The following CDH24 variants were observed in gnomAD, a reference collection of about 807,000 sequenced individuals.
CDH24 encodes the protein cadherin 24, also known as cadherin-24.
Under a neutral mutation model 71.2 loss-of-function variants are expected in CDH24, and 61 were observed. The observed-to-expected ratio is 0.86, with a 90% CI of 0.70 to 1.06. The LOEUF (loss-of-function observed/expected upper bound fraction) is 1.06. Ranked by LOEUF, CDH24 falls within the 50% of genes least tolerant of loss-of-function variation. The pLI, the probability that CDH24 is intolerant of heterozygous loss-of-function variation, is 0.00. For synonymous variants in CDH24, 440 were observed against 470.2 expected (o/e 0.94, Z 0.83); for missense variants, 961 against 1,083.7 (o/e 0.89, Z 1.59).
rs2047126270 is a variant in CDH24, at chr14:23,055,896, T to TA, written c.-124-40dup. On this transcript the variant is annotated intron_variant, in intron 1 of 12. Transcript: ENST00000487137. This position sits in a 1 kb window ranked among gnomAD's most constrained non-coding sequence, Gnocchi z 4.1. ...AGCTGCTCAGGCTCAAGGAAACCCC[T>TA]AGCCCTCCTCCCCCGCAAAATTAGA... 1.6e-6 allele frequency: 1 copy of TA among 613,154 alleles called. No individual in the cohort carries two copies. The highest frequency in any genetic ancestry group is 2.8e-6 in the Non-Finnish European group (1 of 355,192). The allele number at this position is 613,154 out of a possible 1,614,324, so 38.0% of individuals were successfully genotyped here. A position where few individuals can be genotyped will look rare whatever the true frequency, so the allele number is the denominator to read the frequency against.
chr14:23,050,947 G>T (rs567845196), intron 8 of CDH24, among the ~76,000 whole-genome samples: 4 of 152,076 alleles, frequency 2.6e-5, no homozygotes, highest in Non-Finnish European at 4.4e-5. Context: ...TCTTCCCTGC[G>T]GTAAGGGCCC....
At chr14:23,053,188 T>C (rs963781369) in intron 7 of CDH24, among the ~76,000 whole-genome samples, 1 of 152,214 alleles carries the variant, frequency 6.6e-6, no homozygotes, top group Non-Finnish European at 1.5e-5. Flanking sequence ...GGGGGTAAAC[T>C]GTGAAGCACT....
At position 23,054,129 on chromosome 14, in the gene CDH24, C is replaced by T. The variant is rs767954149; in HGVS notation, c.972+12G>A. 12 of 1,576,240 alleles carry T rather than the reference C, an allele frequency of 7.6e-6. No individual in the cohort carries two copies. Among genetic ancestry groups the T allele is most frequent in the Non-Finnish European group, 9.5e-6 (11 of 1,157,442 alleles). ...AGGTCTAAGAGAAAGCATTAACAGG[C>T]AGGAGGCTAACCTTGCGGACAGTGA... On this transcript the variant is annotated intron_variant, in intron 6 of 12. Transcript: ENST00000487137. This position sits in a 1 kb window ranked among gnomAD's most constrained non-coding sequence, Gnocchi z 5.2.
chr14:23,055,238 C>G lies in CDH24; in HGVS notation c.317G>C (p.Ser106Thr). Residue 106 changes from serine (S) to threonine (T), a missense_variant, in exon 3 of 13, where the codon AGC becomes ACC. Ser to Thr is a moderately conservative substitution (Grantham distance 58). Transcript: ENST00000487137. This position sits in a 1 kb window ranked among gnomAD's most constrained non-coding sequence, Gnocchi z 4.1. ...TTGCGCCTTTTCCTCCCGGTCAAGGCTCTTGGTAACATGAATATTGCCTGT... is the reference window on the plus strand; with the variant it reads ...TTGCGCCTTTTCCTCCCGGTCAAGGGTCTTGGTAACATGAATATTGCCTGT... ...EATGNIHVTK[S>T]LDREEKAQYV... is the part of the protein sequence containing the mutation. 1 of 1,614,176 alleles carries G rather than the reference C, an allele frequency of 6.2e-7. No homozygotes were observed. Among genetic ancestry groups the G allele is most frequent in the African/African-American group, 1.3e-5 (1 of 75,022 alleles).
Position 23,052,584 on chromosome 14 carries a change from G to A in CDH24, c.1252C>T (p.Pro418Ser). 6.2e-7 allele frequency: 1 copy of A among 1,613,874 alleles called. No individual in the cohort carries two copies. Among genetic ancestry groups the A allele is most frequent in the Non-Finnish European group, 8.5e-7 (1 of 1,179,852 alleles). The change falls in exon 8 of 13, where the codon CCG (proline) becomes TCG (serine). Residue 418 changes from proline to serine, a missense_variant. Coordinates refer to ENST00000487137, the MANE Select transcript of CDH24 (RefSeq NM_144985.4). Reference protein sequence around the residue: ...IRYSILPHSDPERCFSIQPEE... With the variant: ...IRYSILPHSDSERCFSIQPEE... ...GGCTGGATAGAGAAGCAACGCTCCG[G>A]ATCTGAGTGGGGGAGGATGGAGTAT...
intron 8 of CDH24, chr14:23,052,093 A>G (rs1338831135): frequency 2.7e-6 from 4 of 1,466,938 alleles, no homozygotes; most frequent in Non-Finnish European, 3.7e-6. Flanking sequence ...CCTGAAGCAG[A>G]GAGTGGGCAG....
chr14:23,052,272 G>A (rs770311779), intron 8 of CDH24: 4 of 746,216 alleles, frequency 5.4e-6, no homozygotes, highest in African/African-American at 1.7e-5. Flanking sequence ...GGCCCGCCCT[G>A]CCTGGTAGCA....
In CDH24 at chr14:23,047,755, C is replaced by A. The variant is rs970378998; in HGVS notation, c.*225G>T. On this transcript the variant is annotated 3_prime_UTR_variant, in exon 12 of 13. Transcript: ENST00000487137. ...GGAAACCCAGGCCCGGACAGAGGAG[C>A]GTGTCACAGATAGAGACAAAGATTC... 1.1e-5 allele frequency: 4 copies of A among 356,186 alleles called. No individual in the cohort carries two copies. Among genetic ancestry groups the A allele is most frequent in the African/African-American group, 4.3e-5 (2 of 46,716 alleles). 22.1% of individuals were successfully genotyped at this position (356,186 alleles called of 1,614,324 possible). A position where few individuals can be genotyped will look rare whatever the true frequency, so the allele number is the denominator to read the frequency against.
chr14:23,049,395 G>T, intron 10 of CDH24, 120 bp from the exon 11 acceptor site: 1 of 950,224 alleles, frequency 1.1e-6, no homozygotes, highest in Non-Finnish European at 1.5e-6. Flanking sequence ...CATAGGTCCA[G>T]CCCATAGAGC....
In CDH24 at chr14:23,053,671, G is replaced by A. The variant is rs189915240; in HGVS notation, c.1051C>T (p.Arg351Trp). 15 of 1,613,924 alleles carry A rather than the reference G, an allele frequency of 9.3e-6. No homozygotes were observed. Among genetic ancestry groups the A allele is most frequent in the East Asian group, 6.7e-5 (3 of 44,888 alleles). Residue 351 changes from arginine to tryptophan, a missense_variant, in exon 7 of 13, where the codon CGG becomes TGG. By Grantham distance (101) the Arg-to-Trp change is moderately radical (BLOSUM62 -3). Coordinates refer to ENST00000487137, the MANE Select transcript of CDH24 (RefSeq NM_144985.4). ...GCCACATCCTTGAAGGGCCCTCGCCGCAGATAGGCTGGGTCAATGAGCGTG... is the reference window on the plus strand; with the variant it reads ...GCCACATCCTTGAAGGGCCCTCGCCACAGATAGGCTGGGTCAATGAGCGTG... ...TNTLIDPAYL[R>W]RGPFKDVASV...
chr14:23,053,449 G>A (rs1376606841), intron 7 of CDH24, 47 bp downstream of exon 7: 11 of 1,512,172 alleles, frequency 7.3e-6, no homozygotes, highest in African/African-American at 1.4e-5. Context: ...CTCTGGGTGG[G>A]AAGAGCCTGC....
At position 23,049,036 on chromosome 14, in the gene CDH24, C is replaced by A; in HGVS notation, c.1837G>T (p.Ala613Ser). Residue 613 changes from alanine (A) to serine (S), a missense_variant, in exon 11 of 13, where the codon GCC becomes TCC. Ala to Ser is a moderately conservative substitution (Grantham distance 99). This residue lies in a region of CDH24 where 290 missense variants were observed against 272.8 expected (regional missense o/e 1.06). Coordinates refer to ENST00000487137, the MANE Select transcript of CDH24 (RefSeq NM_144985.4). ...ALLAIITCVG[A>S]LLALVVLFVA... Reference sequence around the variant, plus strand: ...CTGTGGCCTGACTCACCAAGCAGGGCACCCACACAGGTGATGATGGCAAGC... The same window carrying A: ...CTGTGGCCTGACTCACCAAGCAGGGAACCCACACAGGTGATGATGGCAAGC... 2 of 1,612,176 alleles carry A rather than the reference C, an allele frequency of 1.2e-6. No individual in the cohort carries two copies. The highest frequency in any genetic ancestry group is 2.2e-5 in the East Asian group (1 of 44,876).
Position 23,047,911 on chromosome 14 carries a change from C to G in CDH24, c.*69G>C. The G allele has an allele frequency of 8.3e-7, 1 of 1,200,014 alleles. No individual in the cohort carries two copies. The highest frequency in any genetic ancestry group is 1.1e-6 in the Non-Finnish European group (1 of 948,910). 74.3% of individuals were successfully genotyped at this position (1,200,014 alleles called of 1,614,324 possible). A position where few individuals can be genotyped will look rare whatever the true frequency, so the allele number is the denominator to read the frequency against. On this transcript the variant is annotated 3_prime_UTR_variant, in exon 12 of 13. Coordinates refer to ENST00000487137, the MANE Select transcript of CDH24 (RefSeq NM_144985.4). The stretch of plus-strand genomic sequence containing the variant: ...GGGCTGCTGCCGCCCGCCTGGACCC[C>G]GTGGGGCTCACTCAGAGGGCCTGTG...
chr14:23,049,078 G>C lies in CDH24; in HGVS notation c.1795C>G (p.Leu599Val). The change falls in exon 11 of 13, where the codon CTC becomes GTC. Residue 599 changes from leucine (L) to valine (V), a missense_variant. By Grantham distance (32) the Leu-to-Val change is conservative. Around this residue, in one of 2 missense-constraint regions of CDH24, gnomAD observed 671 missense variants for 810.9 expected, o/e 0.83. Transcript: ENST00000487137. Reference sequence around the variant, plus strand: ...ATGGCAAGCAGGGCGCCGGTGCTGAGCCCAGCAGCTGAGAGGTGAGCCTCA... The same window carrying C: ...ATGGCAAGCAGGGCGCCGGTGCTGACCCCAGCAGCTGAGAGGTGAGCCTCA... ...WPEAHLSAAG[L>V]STGALLAIIT... The C allele has an allele frequency of 6.2e-7, 1 of 1,612,570 alleles. No individual in the cohort carries two copies. Among genetic ancestry groups the C allele is most frequent in the Non-Finnish European group, 8.5e-7 (1 of 1,179,744 alleles).
rs955308896 is a variant in CDH24 at position 23,048,385 on chromosome 14, G to C, written c.1941C>G (p.Tyr647Ter). 1.9e-6 allele frequency: 3 copies of C among 1,612,484 alleles called. No individual in the cohort carries two copies. Among genetic ancestry groups the C allele is most frequent in the Non-Finnish European group, 2.5e-6 (3 of 1,179,610 alleles). ...EEDVRENIIT[Y>*]DDEGGGEEDT... ...CCTCCTCGCCGCCGCCCTCGTCGTC[G>C]TAGGTGATGATGTTCTCTCGGACGT... Residue 647 changes from tyrosine (Y) to a stop codon, truncating the protein, a stop_gained, in exon 12 of 13, where the codon TAC (tyrosine) becomes TAG (stop). Transcript: ENST00000487137. LOFTEE classifies it high-confidence loss of function.
At chr14:23,056,350 T>C (rs1335346620) in intron 1 of CDH24, among the ~76,000 whole-genome samples, 1 of 152,212 alleles carries the variant, frequency 6.6e-6, no homozygotes, top group Non-Finnish European at 1.5e-5. Context: ...CTCCAGGCCC[T>C]GTCTCCAGCC....
intron 7 of CDH24, among the ~76,000 whole-genome samples, 156 bp from the exon 8 acceptor site, chr14:23,052,765 A>T (rs2139946354): frequency 6.6e-6 from 1 of 152,074 alleles, no homozygotes; most frequent in Middle Eastern, 3.4e-3. Flanking sequence ...AAAGGCATAT[A>T]TCCCTGGGGG....
In CDH24 at chr14:23,048,589, G is replaced by A; in HGVS notation, c.1847-110C>T. ...GGTGACAGAAGCCCTGTGCTTAGGG[G>A]CTGACATCTAGCAAACCTTGCATTG... On this transcript the variant is annotated intron_variant, in intron 11 of 12. Coordinates refer to ENST00000487137, the MANE Select transcript of CDH24 (RefSeq NM_144985.4). The A allele has an allele frequency of 8.3e-6, 9 of 1,086,416 alleles. No homozygotes were observed. The South Asian group carries it at 9.6e-5, about 12-fold the overall frequency. The allele number at this position is 1,086,416 out of a possible 1,614,324, so 67.3% of individuals were successfully genotyped here.
Position 23,049,230 on chromosome 14 carries a change from CG to C in CDH24, c.1642del (p.Arg548AlafsTer9). 6.4e-7 allele frequency: 1 copy of C among 1,574,222 alleles called. No individual in the cohort carries two copies. ...LLLPSRPAPP[R>X]HAPYLVPIEL... The stretch of plus-strand genomic sequence containing the variant: ...TATGGGAACCAAGTAGGGGGCATGG[CG>C]GGGTGGAGCAGGGCGGGAGGGCAGC... On this transcript the variant is annotated frameshift_variant, in exon 11 of 13. Coordinates refer to ENST00000487137, the MANE Select transcript of CDH24 (RefSeq NM_144985.4). LOFTEE classifies it high-confidence loss of function.
Sources: allele counts gnomAD v4.1 joint callset (sites outside exome capture counted in the v4.1 genomes callset), GRCh38; gene constraint gnomAD v4.1.1; regional missense constraint gnomAD v4.1.1; non-coding constraint Gnocchi (gnomAD v3.1); transcripts MANE v1.5; gene names NCBI Gene and HGNC (gene_info 2026-07-23, HGNC 2026-07-21).